The following ZNF804A variants were observed in gnomAD, a reference collection of about 807,000 sequenced individuals.
ZNF804A encodes zinc finger protein 804A.
ZNF804A carries 2 observed loss-of-function variants against 16.5 expected under a neutral mutation model. That is an observed-to-expected ratio of 0.12 (90% CI 0.05 to 0.38). The LOEUF (loss-of-function observed/expected upper bound fraction) is 0.38. ZNF804A is among the 10% of genes least tolerant of loss of function. ZNF804A has a pLI of 0.99. For synonymous variants in ZNF804A, 534 were observed against 489.6 expected (o/e 1.09, Z -1.20); for missense variants, 1,473 against 1,390.7 (o/e 1.06, Z -0.94).
intron 1 of ZNF804A, among the ~76,000 whole-genome samples, chr2:184,605,044 C>A (rs1691120484): frequency 6.6e-6 from 1 of 151,976 alleles, no homozygotes; most frequent in South Asian, 2.1e-4. Context: ...CTTATATAAA[C>A]ATGTTACTTT....
chr2:184,641,226 C>A (rs1036465486), intron 1 of ZNF804A, among the ~76,000 whole-genome samples: 2 of 152,140 alleles, frequency 1.3e-5, no homozygotes, highest in Admixed American at 1.3e-4. Context: ...GCTGTGATTA[C>A]AGGTGTGAGC....
intron 1 of ZNF804A, among the ~76,000 whole-genome samples, chr2:184,649,746 T>C (rs1691949017): frequency 6.7e-6 from 1 of 149,958 alleles, no homozygotes; most frequent in Non-Finnish European, 1.5e-5. Flanking sequence ...AAAAGTCTCC[T>C]AAATCAGGAA....
chr2:184,937,611 T>C lies in ZNF804A; in HGVS notation c.2215T>C (p.Leu739=). The change falls in exon 4 of 4, where the codon TTA becomes CTA. Residue 739 remains leucine (L), a synonymous_variant. Transcript: ENST00000302277. The part of the protein sequence containing the change: ...MSSCSQDHRS[L]VLQNDMKHMS... ...AAGCTGTAGTCAGGATCACAGAAGC[T>C]TAGTTCTTCAAAATGATATGAAACA... The C allele has an allele frequency of 6.2e-7, 1 of 1,613,784 alleles. No individual in the cohort carries two copies. Among genetic ancestry groups the C allele is most frequent in the Middle Eastern group, 1.7e-4 (1 of 6,060 alleles).
At chr2:184,708,120 C>T (rs10180958) in intron 1 of ZNF804A, among the ~76,000 whole-genome samples, 21,006 of 151,870 alleles carry the variant, frequency 0.14, 1,568 homozygotes, top group Middle Eastern at 0.23. Flanking sequence ...TTTGTACATA[C>T]TTCTCAATTT....
At chr2:184,845,726 C>T (rs1447639324) in intron 1 of ZNF804A, among the ~76,000 whole-genome samples, 1 of 152,084 alleles carries the variant, frequency 6.6e-6, no homozygotes, top group Non-Finnish European at 1.5e-5. Flanking sequence ...CTCAGATCAT[C>T]ATCATGAGAA....
intron 1 of ZNF804A, among the ~76,000 whole-genome samples, chr2:184,759,823 C>T (rs1253628950): frequency 6.6e-6 from 1 of 152,066 alleles, no homozygotes; most frequent in Non-Finnish European, 1.5e-5. Flanking sequence ...GCACCCCACT[C>T]CTGCCCGCCA....
intron 2 of ZNF804A, among the ~76,000 whole-genome samples, chr2:184,924,012 TG>T (rs1685571950): frequency 5.5e-5 from 1 of 18,296 alleles, no homozygotes; most frequent in African/African-American, 1.0e-4. Flanking sequence ...TTTTGTTTTG[TG>T]TGTGTGTGTG....
chr2:184,853,099 A>T (rs1695631357), intron 1 of ZNF804A, among the ~76,000 whole-genome samples: 1 of 151,780 alleles, frequency 6.6e-6, no homozygotes, highest in African/African-American at 2.4e-5. Context: ...CCATTTATTT[A>T]TGTCATTCAA....
At chr2:184,700,391 A>G (rs1331938980) in intron 1 of ZNF804A, among the ~76,000 whole-genome samples, 1 of 152,102 alleles carries the variant, frequency 6.6e-6, no homozygotes, top group East Asian at 1.9e-4. Flanking sequence ...CATGCAGTTT[A>G]CATAAGGCCT....
intron 1 of ZNF804A, among the ~76,000 whole-genome samples, chr2:184,759,358 A>G (rs556982170): frequency 6.5e-4 from 98 of 151,894 alleles, no homozygotes; most frequent in African/African-American, 2.3e-3. Flanking sequence ...ATAACATACT[A>G]ATATTAATTC....
chr2:184,936,389 A>G lies in ZNF804A; in HGVS notation c.993A>G (p.Leu331=), dbSNP rs762411454. The G allele has an allele frequency of 6.2e-7, 1 of 1,614,040 alleles. No individual in the cohort carries two copies. Among genetic ancestry groups the G allele is most frequent in the Non-Finnish European group, 8.5e-7 (1 of 1,179,962 alleles). ...ATAATTGTCAAAATTCAGTCCCATT[A>G]GCAGATCAAATACCACTAGAGAGTG... is the stretch of plus-strand genomic sequence containing the variant. ...DADNCQNSVP[L]ADQIPLESVV... is the part of the protein sequence containing the mutation. The change falls in exon 4 of 4, where the codon TTA becomes TTG. Residue 331 remains leucine (L), a synonymous_variant. Coordinates refer to ENST00000302277, the MANE Select transcript of ZNF804A (RefSeq NM_194250.2).
intron 1 of ZNF804A, among the ~76,000 whole-genome samples, chr2:184,664,793 A>G (rs1692230822): frequency 6.6e-6 from 1 of 152,142 alleles, no homozygotes; most frequent in Non-Finnish European, 1.5e-5. Context: ...TTATCATACA[A>G]CAATATTTTG....
chr2:184,672,976 C>T (rs1692361530), intron 1 of ZNF804A, among the ~76,000 whole-genome samples: 1 of 151,868 alleles, frequency 6.6e-6, no homozygotes, highest in African/African-American at 2.4e-5. Context: ...CTTGAACTCC[C>T]AACCTTGTGA....
chr2:184,709,803 A>C (rs1693095164), intron 1 of ZNF804A, among the ~76,000 whole-genome samples: 1 of 149,204 alleles, frequency 6.7e-6, no homozygotes, highest in East Asian at 1.9e-4. Context: ...ATATATATAT[A>C]TAAAATATTG....
intron 1 of ZNF804A, among the ~76,000 whole-genome samples, chr2:184,604,664 T>A (rs1361367113): frequency 6.6e-6 from 1 of 152,174 alleles, no homozygotes; most frequent in Non-Finnish European, 1.5e-5. Context: ...TACGCTACAT[T>A]CTGTTGCTAT....
intron 1 of ZNF804A, among the ~76,000 whole-genome samples, chr2:184,810,484 C>CA (rs1694876079): frequency 1.0e-5 from 1 of 95,972 alleles, no homozygotes; most frequent in African/African-American, 4.4e-5. Flanking sequence ...TGTTCTTTTC[C>CA]TTTTTTTTTT....
chr2:184,682,343 A>G (rs912523940), intron 1 of ZNF804A, among the ~76,000 whole-genome samples: 2 of 152,206 alleles, frequency 1.3e-5, no homozygotes, highest in African/African-American at 4.8e-5. Context: ...GATAATATGT[A>G]TTTAATCTTT....
chr2:184,663,325 C>T (rs1692207090), intron 1 of ZNF804A, among the ~76,000 whole-genome samples: 1 of 152,178 alleles, frequency 6.6e-6, no homozygotes. Context: ...GGCGCTGTCA[C>T]TGCTTGGCTG....
In ZNF804A at chr2:184,931,423, G is replaced by A. The variant is rs537893196; in HGVS notation, c.256-2180G>A. Among the ~76,000 whole-genome samples, 8 of 152,320 alleles carry A rather than the reference G, an allele frequency of 5.3e-5. No individual in the cohort carries two copies. The South Asian group carries it at 1.4e-3, about 28-fold the overall frequency. ...TCCCAAACTTTGATTCTTGAATTGG[G>A]TGCAGCCACAGGCTCAACACCATGT... On this transcript the variant is annotated intron_variant, in intron 2 of 3. Coordinates refer to ENST00000302277, the MANE Select transcript of ZNF804A (RefSeq NM_194250.2).
Sources: gnomAD v4.1 joint callset for allele counts (sites outside exome capture counted in the v4.1 genomes callset) on GRCh38, gnomAD v4.1.1 for gene constraint, MANE v1.5 for transcripts, NCBI Gene and HGNC (gene_info 2026-07-23, HGNC 2026-07-21) for gene names.